Variants in MAEA observed in about 807,000 individuals in gnomAD.
MAEA encodes the protein E3 ubiquitin-protein transferase MAEA.
MAEA carries 22 observed loss-of-function variants against 46.2 expected under a neutral mutation model. The ratio of observed to expected loss-of-function variants is 0.48; its 90% CI spans 0.34 to 0.68. MAEA has a LOEUF of 0.68. Among genes scored for constraint, MAEA ranks in the 30% least tolerant of loss-of-function variants. The pLI, the probability that MAEA is intolerant of heterozygous loss-of-function variation, is 0.01. For synonymous variants in MAEA, 246 were observed against 222.6 expected (o/e 1.11, Z -0.94); for missense variants, 393 against 558.1 (o/e 0.70, Z 2.98).
intron 1 of MAEA, among the ~76,000 whole-genome samples, chr4:1,304,632 G>A (rs541641081): frequency 1.3e-5 from 2 of 152,032 alleles, no homozygotes; most frequent in East Asian, 1.9e-4. Flanking sequence ...TAGTACAGAC[G>A]GGGGCATCGT....
At chr4:1,328,957 G>A (rs1046306204) in intron 5 of MAEA, 2 of 992,914 alleles carry the variant, frequency 2.0e-6, no homozygotes, top group African/African-American at 3.5e-5. Context: ...ACGGCCAGGG[G>A]CCCCCTGTCA....
intron 1 of MAEA, among the ~76,000 whole-genome samples, chr4:1,308,324 T>C (rs1736031319): frequency 6.6e-6 from 1 of 152,214 alleles, no homozygotes; most frequent in Non-Finnish European, 1.5e-5. Flanking sequence ...AATGTCGTTA[T>C]GTGGTGTGTG....
Position 1,289,954 on chromosome 4 carries a change from T to C in MAEA, c.41T>C (p.Leu14Pro). 6.2e-7 allele frequency: 1 copy of C among 1,601,136 alleles called. No individual in the cohort carries two copies. ...QESAAQLSMTLKVQEYPTLKV... is the reference protein window; with the variant it reads ...QESAAQLSMTPKVQEYPTLKV... ...TCGGCGGCTCAGTTGTCCATGACCC[T>C]GAAGGTCCAGGAGTACCCGACCCTC... The change falls in exon 1 of 9, where the codon CTG becomes CCG. Residue 14 changes from leucine (L) to proline (P), a missense_variant. Around this residue, in one of 2 missense-constraint regions of MAEA, gnomAD observed 35 missense variants for 20.1 expected, o/e 1.74. Coordinates refer to ENST00000303400, the MANE Select transcript of MAEA (RefSeq NM_001017405.3).
chr4:1,326,157 A>G (rs1372317640), intron 4 of MAEA, among the ~76,000 whole-genome samples: 1 of 152,202 alleles, frequency 6.6e-6, no homozygotes, highest in Non-Finnish European at 1.5e-5. Flanking sequence ...GCTGGAGCAC[A>G]GGTGGCTCCT....
chr4:1,315,721 C>G, intron 3 of MAEA, 121 bp downstream of exon 3: 2 of 765,920 alleles, frequency 2.6e-6, no homozygotes, highest in Non-Finnish European at 4.1e-6. Context: ...CCTCCCCCCA[C>G]CCCCGTATGC....
intron 1 of MAEA, among the ~76,000 whole-genome samples, chr4:1,296,852 G>A (rs1340006439): frequency 1.3e-5 from 2 of 152,082 alleles, no homozygotes; most frequent in Non-Finnish European, 2.9e-5. Context: ...CATCCTCTGG[G>A]CTCTCCCCAC....
Position 1,322,185 on chromosome 4 carries a change from C to A in MAEA, c.457-196C>A, listed in dbSNP as rs576992625. Among the ~76,000 whole-genome samples, 4 of 152,286 alleles carry A rather than the reference C, an allele frequency of 2.6e-5. No homozygotes were observed. In the South Asian group the frequency reaches 8.3e-4, roughly 32 times the overall value. ...TACGTGAGCGTCCGACCTTTTGGTC[C>A]TTGGGGGCTGTTCTGTTCCTAGGAT... On this transcript the variant is annotated intron_variant, in intron 3 of 8. Coordinates refer to ENST00000303400, the MANE Select transcript of MAEA (RefSeq NM_001017405.3).
chr4:1,313,859 A>G (rs1224326773), intron 2 of MAEA, among the ~76,000 whole-genome samples: 1 of 152,018 alleles, frequency 6.6e-6, no homozygotes, highest in Non-Finnish European at 1.5e-5. Context: ...CCTGGGCAAC[A>G]TGGCAAAACC....
At chr4:1,312,342 C>T (rs1371155965) in intron 2 of MAEA, 181 bp downstream of exon 2, 1 of 638,290 alleles carries the variant, frequency 1.6e-6, no homozygotes, top group Non-Finnish European at 2.7e-6. Flanking sequence ...CTTCCTGTTC[C>T]TGTAGGGACC....
At chr4:1,294,801 G>A (rs1165631425) in intron 1 of MAEA, among the ~76,000 whole-genome samples, 1 of 148,684 alleles carries the variant, frequency 6.7e-6, no homozygotes, top group East Asian at 2.0e-4. Context: ...GGGGACGGGG[G>A]TGGGGCCGGG....
intron 1 of MAEA, among the ~76,000 whole-genome samples, chr4:1,297,779 A>G (rs1050912209): frequency 6.6e-6 from 1 of 152,188 alleles, no homozygotes; most frequent in African/African-American, 2.4e-5. Flanking sequence ...TGTCTGGGAA[A>G]TTCCTAAACT....
rs1300776150 is a variant in MAEA at position 1,309,981 on chromosome 4, G to T, written c.70-1998G>T. On this transcript the variant is annotated intron_variant, in intron 1 of 8. Coordinates refer to ENST00000303400, the MANE Select transcript of MAEA (RefSeq NM_001017405.3). ...GAGAGGCCTTTCCTTTTCTGGTGGCGGTCTGGAATGTGCTGGTGTGCGGAT... is the reference window on the plus strand; with the variant it reads ...GAGAGGCCTTTCCTTTTCTGGTGGCTGTCTGGAATGTGCTGGTGTGCGGAT... The T allele has an allele frequency of 5.6e-6, 7 of 1,243,276 alleles. No individual in the cohort carries two copies. The East Asian group carries it at 1.3e-4, about 22-fold the overall frequency. The allele number at this position is 1,243,276 out of a possible 1,614,324, so 77.0% of individuals were successfully genotyped here. A position where few individuals can be genotyped will look rare whatever the true frequency, so the allele number is the denominator to read the frequency against.
At chr4:1,329,816 G>A (rs984273812) in intron 5 of MAEA, 40 of 985,430 alleles carry the variant, frequency 4.1e-5, no homozygotes, top group Non-Finnish European at 4.7e-5. Flanking sequence ...GAGGGAAGGC[G>A]GAGAAGCCTG....
At chr4:1,336,752 G>T in intron 6 of MAEA, 109 bp from the exon 7 acceptor site, 1 of 1,021,478 alleles carries the variant, frequency 9.8e-7, no homozygotes, top group Non-Finnish European at 1.4e-6. Context: ...GGGTCACTGG[G>T]GGATGGCTGT....
chr4:1,296,441 TCCTCACCCGTGCCTGTGCCCC>T lies in MAEA; in HGVS notation c.69+6479_69+6499del, dbSNP rs1321085096. Among the ~76,000 whole-genome samples, 584 of 99,396 alleles carry T rather than the reference TCCTCACCCGTGCCTGTGCCCC, an allele frequency of 5.9e-3. 5 individuals are homozygous for T. Among genetic ancestry groups the T allele is most frequent in the African/African-American group, 0.022 (555 of 24,910 alleles). The allele number at this position is 99,396 out of a possible 152,430, so 65.2% of individuals were successfully genotyped here. A position where few individuals can be genotyped will look rare whatever the true frequency, so the allele number is the denominator to read the frequency against. On this transcript the variant is annotated intron_variant, in intron 1 of 8. Transcript: ENST00000303400. ...TACCCCTCACCCATGCCTGTGCCGT[TCCTCACCCGTGCCTGTGCCCC>T]CCTCACCCGTGCCTGTGCCTCCCTC...
At chr4:1,319,586 C>G (rs919413111) in intron 3 of MAEA, among the ~76,000 whole-genome samples, 1 of 63,368 alleles carries the variant, frequency 1.6e-5, no homozygotes, top group Admixed American at 1.9e-4. Context: ...AGACCAGGAG[C>G]CACCTCCTGA....
intron 4 of MAEA, chr4:1,323,404 C>G (rs2141656): frequency 8.7e-6 from 6 of 686,548 alleles, no homozygotes; most frequent in Non-Finnish European, 1.6e-5. Context: ...ACTTTTCTGT[C>G]TTCTAAACTG....
At chr4:1,330,328 C>CTCTCTCTCTCTCT (rs1577226687) in intron 5 of MAEA, 42 of 159,530 alleles carry the variant, frequency 2.6e-4, no homozygotes, top group African/African-American at 4.2e-4. Context: ...CTCTCTCTTT[C>CTCTCTCTCTCTCT]CGTGTGTGTG....
chr4:1,314,320 CAAA>C (rs570061345), intron 2 of MAEA, among the ~76,000 whole-genome samples: 2 of 106,764 alleles, frequency 1.9e-5, no homozygotes, highest in African/African-American at 6.4e-5. Context: ...ACTCTGTCTC[CAAA>C]AAAAAAAAAA....
Sources: allele counts gnomAD v4.1 joint callset (sites outside exome capture counted in the v4.1 genomes callset), GRCh38; gene constraint gnomAD v4.1.1; regional missense constraint gnomAD v4.1.1; transcripts MANE v1.5; gene names NCBI Gene and HGNC (gene_info 2026-07-23, HGNC 2026-07-21).